PCDH11X: variants seen among roughly 807,000 people sequenced by gnomAD.
PCDH11X encodes protocadherin 11 X-linked, also known as protocadherin-11 X-linked.
Under a neutral mutation model 53.3 loss-of-function variants are expected in PCDH11X, and 18 were observed. That is an observed-to-expected ratio of 0.34 (90% CI 0.23 to 0.50). The LOEUF (loss-of-function observed/expected upper bound fraction) is 0.50. Ranked by LOEUF, PCDH11X falls within the 20% of genes least tolerant of loss-of-function variation. The pLI is 0.98. For synonymous variants in PCDH11X, 279 were observed against 393.3 expected (o/e 0.71, Z 3.44); for missense variants, 570 against 1,032.4 (o/e 0.55, Z 6.14).
In PCDH11X at chrX:91,845,678, C is replaced by A. The variant is rs764815311; in HGVS notation, c.540+9634C>A. ...TTATAGCCCATTTATTCATCTGCAG[C>A]TTTTAAGATTCTAAACATTTCTCTA... On this transcript the variant is annotated intron_variant, in intron 5 of 10. Coordinates refer to ENST00000682573, the MANE Select transcript of PCDH11X (RefSeq NM_032968.5). 2.7e-5 allele frequency among the ~76,000 whole-genome samples: 3 copies of A among 111,385 alleles called. No individual in the cohort carries two copies. In the South Asian group the frequency reaches 1.1e-3, roughly 42 times the overall value.
intron 8 of PCDH11X, among the ~76,000 whole-genome samples, chrX:92,351,787 G>T (rs184320756): frequency 0.01 from 1,160 of 111,514 alleles, 23 homozygotes; most frequent in African/African-American, 0.037. Context: ...GTTGCGTTGG[G>T]TATGGAAGAG....
intron 6 of PCDH11X, among the ~76,000 whole-genome samples, chrX:91,953,399 A>T (rs1175457834): frequency 9.0e-6 from 1 of 111,222 alleles, no homozygotes; most frequent in Non-Finnish European, 1.9e-5. Context: ...GACCTTGAAG[A>T]GGTATCAGAG....
At chrX:92,140,768 G>A (rs867711752) in intron 6 of PCDH11X, among the ~76,000 whole-genome samples, 16 of 111,193 alleles carry the variant, frequency 1.4e-4, no homozygotes, top group Non-Finnish European at 2.6e-4. Context: ...GTAAAGACTC[G>A]TTGCTCAAAA....
At chrX:92,264,830 A>C (rs917835932) in intron 8 of PCDH11X, among the ~76,000 whole-genome samples, 3 of 110,284 alleles carry the variant, frequency 2.7e-5, no homozygotes, top group African/African-American at 9.9e-5. Context: ...TTCAACATGT[A>C]AATAATCGAC....
intron 6 of PCDH11X, among the ~76,000 whole-genome samples, chrX:92,132,708 T>C (rs2065017568): frequency 1.0e-5 from 1 of 98,857 alleles, no homozygotes; most frequent in South Asian, 4.5e-4. Flanking sequence ...TATATATATG[T>C]ATATGTTTAA....
At chrX:92,008,342 C>G (rs1489659655) in intron 6 of PCDH11X, among the ~76,000 whole-genome samples, 1 of 110,938 alleles carries the variant, frequency 9.0e-6, no homozygotes, top group African/African-American at 3.3e-5. Context: ...TTCAAGGGAT[C>G]CTTCTCTGGC....
intron 1 of PCDH11X, among the ~76,000 whole-genome samples, chrX:91,793,963 G>A (rs2524838): frequency 1.2e-4 from 13 of 112,063 alleles, no homozygotes; most frequent in African/African-American, 1.9e-4. Context: ...ATTAGAAACT[G>A]TTACAAAAAT....
chrX:92,014,265 C>G (rs1375899546), intron 6 of PCDH11X, among the ~76,000 whole-genome samples: 1 of 111,779 alleles, frequency 8.9e-6, no homozygotes. Context: ...ATTTATGCAG[C>G]CAACAGACAC....
rs773306580 is a variant in PCDH11X at position 92,350,993 on chromosome X, G to A, written c.3145-36742G>A. On this transcript the variant is annotated intron_variant, in intron 8 of 10. Transcript: ENST00000682573. Reference sequence around the variant, plus strand: ...CTCTAGGATTTTCATTTCACTGATGGCAGGTTTTGAAGTTCTATAGATGAT... The same window carrying A: ...CTCTAGGATTTTCATTTCACTGATGACAGGTTTTGAAGTTCTATAGATGAT... 1.1e-4 allele frequency among the ~76,000 whole-genome samples: 12 copies of A among 111,862 alleles called. No individual in the cohort carries two copies. The East Asian group carries it at 2.5e-3, about 24-fold the overall frequency.
chrX:91,834,650 T>C (rs1937228904), intron 4 of PCDH11X: 1 of 110,925 alleles, frequency 9.0e-6, no homozygotes, highest in Non-Finnish European at 1.9e-5. Flanking sequence ...GCAAATATAG[T>C]AGATCTAATC....
intron 6 of PCDH11X, among the ~76,000 whole-genome samples, chrX:92,039,976 C>T (rs2063185853): frequency 9.3e-6 from 1 of 107,342 alleles, no homozygotes; most frequent in African/African-American, 3.5e-5. Flanking sequence ...CAGGGTATGT[C>T]TAGCATGTCA....
At chrX:92,299,819 C>G (rs2068684125) in intron 8 of PCDH11X, among the ~76,000 whole-genome samples, 1 of 109,971 alleles carries the variant, frequency 9.1e-6, no homozygotes, top group Non-Finnish European at 1.9e-5. Flanking sequence ...CAGTTCAGCT[C>G]TGATTTTGGA....
At chrX:91,843,263 ATGTGTGTGTGTGTGTGTGTG>A (rs3067347) in intron 5 of PCDH11X, among the ~76,000 whole-genome samples, 3 of 91,392 alleles carry the variant, frequency 3.3e-5, no homozygotes, top group South Asian at 1.2e-3. Context: ...ATACATACTT[ATGTGTGTGTGTGTGTGTGTG>A]TGTGTGTGTG....
intron 7 of PCDH11X, among the ~76,000 whole-genome samples, chrX:92,206,946 G>T (rs1013438340): frequency 9.0e-6 from 1 of 111,370 alleles, no homozygotes; most frequent in African/African-American, 3.3e-5. Context: ...TGAAATCATA[G>T]GTCAATTTTC....
intron 6 of PCDH11X, among the ~76,000 whole-genome samples, chrX:91,950,607 T>TATATATATAC (rs772420274): frequency 9.2e-5 from 9 of 97,725 alleles, no homozygotes; most frequent in African/African-American, 3.3e-4. Flanking sequence ...TATATATATA[T>TATATATATAC]ACACACACAC....
In PCDH11X at chrX:92,619,038, A is replaced by G; in HGVS notation, c.*98A>G. ...ATTCTGATTATCAGATTTGTAAATA[A>G]CTATGTAAATAGAAACAGATACCAG... On this transcript the variant is annotated 3_prime_UTR_variant, in exon 11 of 11. Transcript: ENST00000682573. The G allele has an allele frequency of 3.2e-6, 3 of 935,606 alleles. No individual in the cohort carries two copies. In the East Asian group the frequency reaches 9.8e-5, roughly 31 times the overall value. The allele number at this position is 935,606 out of a possible 1,213,427, so 77.1% of individuals were successfully genotyped here.
chrX:91,917,598 T>C (rs1202877312), intron 6 of PCDH11X, among the ~76,000 whole-genome samples: 1 of 59,723 alleles, frequency 1.7e-5, no homozygotes, highest in Non-Finnish European at 3.2e-5. Context: ...AAAAAAAAAT[T>C]CCTTAGGAAT....
chrX:91,876,423 A>C (rs1375701521), intron 5 of PCDH11X, among the ~76,000 whole-genome samples: 1 of 111,813 alleles, frequency 8.9e-6, no homozygotes, highest in African/African-American at 3.2e-5. Context: ...AATTTAAAAA[A>C]ACTTAAATAG....
intron 8 of PCDH11X, among the ~76,000 whole-genome samples, chrX:92,319,162 C>A (rs1343762906): frequency 9.0e-6 from 1 of 111,600 alleles, no homozygotes; most frequent in African/African-American, 3.3e-5. Context: ...AGATAACCAC[C>A]TGGATTTTCT....
Sources: gnomAD v4.1 joint callset for allele counts (sites outside exome capture counted in the v4.1 genomes callset) on GRCh38, gnomAD v4.1.1 for gene constraint, MANE v1.5 for transcripts, NCBI Gene and HGNC (gene_info 2026-07-23, HGNC 2026-07-21) for gene names.